The following NDUFV2 variants were observed in gnomAD, a reference collection of about 807,000 sequenced individuals.
NDUFV2 encodes the protein NADH dehydrogenase [ubiquinone] flavoprotein 2, mitochondrial.
NDUFV2 carries 18 observed loss-of-function variants against 31.6 expected under a neutral mutation model. That is an observed-to-expected ratio of 0.57 (90% CI 0.39 to 0.84). The LOEUF is 0.84. Ranked by LOEUF, NDUFV2 falls within the 40% of genes least tolerant of loss-of-function variation. The pLI is 0.00. For synonymous variants in NDUFV2, 83 were observed against 99.8 expected (o/e 0.83, Z 1.01); for missense variants, 314 against 303.6 (o/e 1.03, Z -0.26).
At chr18:9,110,520 C>CT (rs1487931710) in intron 1 of NDUFV2, among the ~76,000 whole-genome samples, 4 of 152,040 alleles carry the variant, frequency 2.6e-5, no homozygotes, top group Admixed American at 2.6e-4. Context: ...TTACTTACTA[C>CT]TTTTTTGAGA....
At chr18:9,113,984 T>C (rs1286081632) in intron 1 of NDUFV2, among the ~76,000 whole-genome samples, 1 of 152,218 alleles carries the variant, frequency 6.6e-6, no homozygotes, top group Non-Finnish European at 1.5e-5. Context: ...AGGTGAGTGC[T>C]GTGCATCACT....
intron 5 of NDUFV2, 101 bp downstream of exon 5, chr18:9,122,782 G>C: frequency 8.8e-7 from 1 of 1,141,782 alleles, no homozygotes; most frequent in Non-Finnish European, 1.3e-6. Flanking sequence ...CCATCTTATT[G>C]GATCTGTACT....
At chr18:9,103,952 C>T (rs2077828166) in intron 1 of NDUFV2, 2 of 508,228 alleles carry the variant, frequency 3.9e-6, no homozygotes, top group African/African-American at 1.9e-5. Flanking sequence ...CCTCATATTA[C>T]AGATAAGGAA....
intron 5 of NDUFV2, among the ~76,000 whole-genome samples, chr18:9,123,071 T>C (rs1189931502): frequency 6.6e-6 from 1 of 152,230 alleles, no homozygotes; most frequent in African/African-American, 2.4e-5. Flanking sequence ...ACAAATAAGA[T>C]ACAAGCATAG....
chr18:9,115,357 G>T (rs1477277080), intron 1 of NDUFV2, among the ~76,000 whole-genome samples: 2 of 151,830 alleles, frequency 1.3e-5, no homozygotes, highest in African/African-American at 4.8e-5. Flanking sequence ...GTTTCTACAT[G>T]ATTATTTTTA....
chr18:9,103,398 T>TTAAATCTC, intron 1 of NDUFV2: 1 of 350,774 alleles, frequency 2.9e-6, no homozygotes, highest in Non-Finnish European at 5.1e-6. Flanking sequence ...ATTTTAGAGA[T>TTAAATCTC]TAAATGATCT....
intron 1 of NDUFV2, among the ~76,000 whole-genome samples, chr18:9,106,701 T>G (rs1598340862): frequency 6.6e-6 from 1 of 152,364 alleles, no homozygotes; most frequent in East Asian, 1.9e-4. Context: ...AACATTATAT[T>G]TTTAACCTTA....
chr18:9,131,434 C>T (rs974287759), intron 7 of NDUFV2, among the ~76,000 whole-genome samples: 1 of 152,154 alleles, frequency 6.6e-6, no homozygotes, highest in Non-Finnish European at 1.5e-5. Flanking sequence ...AACTTGTTTT[C>T]AGGTTACTAA....
intron 7 of NDUFV2, 118 bp downstream of exon 7, chr18:9,127,025 A>G (rs1252043334): frequency 2.4e-6 from 2 of 827,226 alleles, no homozygotes; most frequent in East Asian, 4.9e-5. Flanking sequence ...AGCTTTGGAT[A>G]GTATTATCTA....
rs758086000 is a variant in NDUFV2 at position 9,126,927 on chromosome 18, A to G, written c.656+20A>G. ...GCCAAGGTATGCTTTATTTATATAT[A>G]GGAAGTTTTAGTGGCTCACCTAAAT... On this transcript the variant is annotated intron_variant, in intron 7 of 7. Transcript: ENST00000318388. 1.3e-6 allele frequency: 2 copies of G among 1,589,334 alleles called. No individual in the cohort carries two copies. Among genetic ancestry groups the G allele is most frequent in the Non-Finnish European group, 8.6e-7 (1 of 1,157,504 alleles).
At chr18:9,104,033 TGTAAAA>T in intron 1 of NDUFV2, 1 of 955,748 alleles carries the variant, frequency 1.0e-6, no homozygotes, top group Non-Finnish European at 1.5e-6. Context: ...GTTGAGACAA[TGTAAAA>T]GTACAGTGTT....
Position 9,119,314 on chromosome 18 carries a change from T to C in NDUFV2, c.121-12T>C. The C allele has an allele frequency of 6.2e-7, 1 of 1,609,034 alleles. No homozygotes were observed. Among genetic ancestry groups the C allele is most frequent in the South Asian group, 1.1e-5 (1 of 90,958 alleles). Reference sequence around the variant, plus strand: ...ATTTGGATAAGTCTGAAAAACTGTTTTTGTTGTGTAGCACAGAGATACTCC... The same window carrying C: ...ATTTGGATAAGTCTGAAAAACTGTTCTTGTTGTGTAGCACAGAGATACTCC... On this transcript the variant is annotated splice_polypyrimidine_tract_variant and intron_variant, in intron 2 of 7. Coordinates refer to ENST00000318388, the MANE Select transcript of NDUFV2 (RefSeq NM_021074.5).
rs1216056782 is a variant in NDUFV2, at chr18:9,134,304, A to C, written c.*25A>C. 6.0e-6 allele frequency: 9 copies of C among 1,504,896 alleles called. No homozygotes were observed. The highest frequency in any genetic ancestry group is 2.3e-4 in the Middle Eastern group (1 of 4,258). 93.2% of individuals were successfully genotyped at this position (1,504,896 alleles called of 1,614,324 possible). On this transcript the variant is annotated 3_prime_UTR_variant, in exon 8 of 8. Coordinates refer to ENST00000318388, the MANE Select transcript of NDUFV2 (RefSeq NM_021074.5). ...ATTTATATTGAACTGTAAATATGTC[A>C]CTAGAGAAATAAAATATGGACTTCC...
rs1415360224 is a variant in NDUFV2 at position 9,122,591 on chromosome 18, G to A, written c.379G>A (p.Val127Ile). The A allele has an allele frequency of 1.2e-6, 2 of 1,614,038 alleles. No homozygotes were observed. The highest frequency in any genetic ancestry group is 1.1e-5 in the South Asian group (1 of 91,082). The change falls in exon 5 of 8, where the codon GTT (valine) becomes ATT (isoleucine). Residue 127 changes from valine to isoleucine, a missense_variant. Physicochemically the swap from Val to Ile is conservative, Grantham distance 29 (BLOSUM62 3). Transcript: ENST00000318388. The part of the protein sequence containing the change: ...TFYTMYNRKP[V>I]GKYHIQVCTT... Reference sequence around the variant, plus strand: ...TTATACAATGTATAATCGAAAGCCAGTTGGAAAGTATCACATTCAGGTCTG... The same window carrying A: ...TTATACAATGTATAATCGAAAGCCAATTGGAAAGTATCACATTCAGGTCTG...
Position 9,117,913 on chromosome 18 carries a change from T to A in NDUFV2, c.120+10T>A. 6.4e-7 allele frequency: 1 copy of A among 1,563,740 alleles called. No homozygotes were observed. Among genetic ancestry groups the A allele is most frequent in the Non-Finnish European group, 8.8e-7 (1 of 1,134,334 alleles). On this transcript the variant is annotated intron_variant, in intron 2 of 7. Coordinates refer to ENST00000318388, the MANE Select transcript of NDUFV2 (RefSeq NM_021074.5). ...AGGAGCTTTATTTGTGGTAAGTAAT[T>A]ACTTAGATTTCTTTGGAAAGAAAAG...
intron 1 of NDUFV2, 127 bp downstream of exon 1, chr18:9,102,924 C>G: frequency 1.0e-6 from 1 of 984,068 alleles, no homozygotes. Flanking sequence ...AAGGACACTG[C>G]GGCCTTAGCC....
intron 7 of NDUFV2, among the ~76,000 whole-genome samples, chr18:9,129,457 T>C (rs752320909): frequency 1.1e-4 from 17 of 152,230 alleles, no homozygotes; most frequent in Non-Finnish European, 2.2e-4. Context: ...AATACAATTA[T>C]GAACAAGATA....
At position 9,127,876 on chromosome 18, in the gene NDUFV2, A is replaced by C. The variant is rs367731187; in HGVS notation, c.656+969A>C. On this transcript the variant is annotated intron_variant, in intron 7 of 7. Transcript: ENST00000318388. Reference sequence around the variant, plus strand: ...GTAATAATTGTGCCTAATTATATCAACTCCTACTTCAGAGACATTACACAA... The same window carrying C: ...GTAATAATTGTGCCTAATTATATCACCTCCTACTTCAGAGACATTACACAA... Among the ~76,000 whole-genome samples, 6 of 152,052 alleles carry C rather than the reference A, an allele frequency of 3.9e-5. No individual in the cohort carries two copies. In the South Asian group the frequency reaches 1.2e-3, roughly 32 times the overall value.
chr18:9,131,161 T>C (rs918191179), intron 7 of NDUFV2, among the ~76,000 whole-genome samples: 9 of 152,212 alleles, frequency 5.9e-5, no homozygotes, highest in African/African-American at 1.9e-4. Flanking sequence ...AAAATCATAA[T>C]GAAAATATAT....
Sources: gnomAD v4.1 joint callset for allele counts (sites outside exome capture counted in the v4.1 genomes callset) on GRCh38, gnomAD v4.1.1 for gene constraint, MANE v1.5 for transcripts, NCBI Gene and HGNC (gene_info 2026-07-23, HGNC 2026-07-21) for gene names.